The following COG5 variants were observed in gnomAD, a reference collection of about 807,000 sequenced individuals.
COG5 encodes the protein component of oligomeric golgi complex 5, also known as conserved oligomeric Golgi complex subunit 5.
Under a neutral mutation model 110.4 loss-of-function variants are expected in COG5, and 86 were observed. The ratio of observed to expected loss-of-function variants is 0.78; its 90% confidence interval spans 0.65 to 0.93. The LOEUF (loss-of-function observed/expected upper bound fraction) is 0.93. Among genes scored for constraint, COG5 ranks in the 40% least tolerant of loss-of-function variants. The probability of loss-of-function intolerance (pLI) is 0.00; values close to 1 mark genes in which losing one functional copy is unlikely to be tolerated. For missense variants in COG5, 1,077 were observed against 987.0 expected (o/e 1.09, Z -1.22); for synonymous variants, 360 against 334.6 (o/e 1.08, Z -0.83).
At chr7:107,427,512 C>T (rs1584809635) in intron 6 of COG5, among the ~76,000 whole-genome samples, 1 of 151,812 alleles carries the variant, frequency 6.6e-6, no homozygotes, top group East Asian at 1.9e-4. Context: ...AAGTCTTAAC[C>T]CTCAGTACCT....
intron 12 of COG5, among the ~76,000 whole-genome samples, chr7:107,290,560 C>T (rs929893605): frequency 2.0e-5 from 3 of 152,148 alleles, no homozygotes; most frequent in Non-Finnish European, 2.9e-5. Flanking sequence ...TGGGGTCACT[C>T]GCTTTCAGCC....
chr7:107,207,342 T>C (rs991805540), intron 21 of COG5, among the ~76,000 whole-genome samples: 1 of 152,114 alleles, frequency 6.6e-6, no homozygotes, highest in Admixed American at 6.5e-5. Context: ...ACAGAGGAGC[T>C]GAGGGAATGG....
intron 6 of COG5, among the ~76,000 whole-genome samples, chr7:107,482,501 A>G (rs1489925228): frequency 6.6e-6 from 1 of 152,080 alleles, no homozygotes; most frequent in Non-Finnish European, 1.5e-5. Flanking sequence ...TTTAACAATT[A>G]CTACTTTAGA....
chr7:107,441,093 A>C (rs1794677312), intron 6 of COG5, among the ~76,000 whole-genome samples: 2 of 151,604 alleles, frequency 1.3e-5, no homozygotes, highest in South Asian at 4.2e-4. Flanking sequence ...CTCTACTAAA[A>C]ATACAAAAAA....
At chr7:107,522,645 A>G in intron 6 of COG5, among the ~76,000 whole-genome samples, 1 of 152,268 alleles carries the variant, frequency 6.6e-6, no homozygotes, top group Middle Eastern at 3.4e-3. Flanking sequence ...AAAAATAAAA[A>G]AATCTTCTGA....
rs1463038595 is a variant in COG5, at chr7:107,201,468, A to ATACAT, written c.*2043_*2047dup. 2.2e-6 allele frequency: 3 copies of ATACAT among 1,369,012 alleles called. No homozygotes were observed. Among genetic ancestry groups the ATACAT allele is most frequent in the South Asian group, 1.2e-5 (1 of 84,500 alleles). The allele number at this position is 1,369,012 out of a possible 1,614,324, so 84.8% of individuals were successfully genotyped here. On this transcript the variant is annotated 3_prime_UTR_variant, in exon 22 of 22. Coordinates refer to ENST00000297135, the MANE Select transcript of COG5 (RefSeq NM_006348.5). Reference sequence around the variant, plus strand: ...TATGTTCTTAAGTCTATATTTGCATATACATTGACTCTTGATGGAAAGACT... The same window carrying ATACAT: ...TATGTTCTTAAGTCTATATTTGCATATACATTACATTGACTCTTGATGGAAAGACT...
At chr7:107,435,929 G>C (rs916585472) in intron 6 of COG5, among the ~76,000 whole-genome samples, 4 of 151,994 alleles carry the variant, frequency 2.6e-5, no homozygotes, top group Non-Finnish European at 5.9e-5. Flanking sequence ...AAGAAAATGT[G>C]GTATACATAC....
intron 6 of COG5, among the ~76,000 whole-genome samples, chr7:107,469,605 AAACT>A (rs1028320788): frequency 2.6e-4 from 39 of 152,296 alleles, no homozygotes; most frequent in African/African-American, 7.9e-4. Context: ...GAATACAAAC[AAACT>A]ATTTAAAATT....
At chr7:107,230,469 G>T in intron 19 of COG5, 146 bp downstream of exon 19, 1 of 727,724 alleles carries the variant, frequency 1.4e-6, no homozygotes, top group Non-Finnish European at 2.5e-6. Flanking sequence ...TTTCTGATTT[G>T]AATACTTTCT....
chr7:107,335,866 A>G (rs1415984377), intron 10 of COG5, among the ~76,000 whole-genome samples: 1 of 152,216 alleles, frequency 6.6e-6, no homozygotes, highest in Non-Finnish European at 1.5e-5. Flanking sequence ...GACTATAAAA[A>G]GGACAAAGAT....
intron 7 of COG5, among the ~76,000 whole-genome samples, chr7:107,402,643 T>C (rs1791520007): frequency 6.6e-6 from 1 of 152,164 alleles, no homozygotes; most frequent in Non-Finnish European, 1.5e-5. Flanking sequence ...CTCCCTTTCT[T>C]TGTGTGACTT....
chr7:107,228,078 T>C (rs1255895729), intron 19 of COG5, among the ~76,000 whole-genome samples: 2 of 152,076 alleles, frequency 1.3e-5, no homozygotes, highest in African/African-American at 4.8e-5. Flanking sequence ...GGCGGGCAGA[T>C]AGCTTGAGCT....
At chr7:107,527,552 A>AT (rs1332067524) in intron 5 of COG5, among the ~76,000 whole-genome samples, 195 bp from the exon 6 acceptor site, 4 of 152,234 alleles carry the variant, frequency 2.6e-5, no homozygotes, top group Non-Finnish European at 4.4e-5. Flanking sequence ...TGTGCTTAAT[A>AT]TGTGAATCTA....
intron 6 of COG5, among the ~76,000 whole-genome samples, chr7:107,506,536 C>A (rs1799021478): frequency 6.6e-6 from 1 of 152,154 alleles, no homozygotes; most frequent in Non-Finnish European, 1.5e-5. Context: ...ACTGTCTCTG[C>A]TGCACAGAGA....
intron 10 of COG5, among the ~76,000 whole-genome samples, chr7:107,335,342 ATCGC>A: frequency 6.6e-6 from 1 of 152,206 alleles, no homozygotes; most frequent in Non-Finnish European, 1.5e-5. Context: ...GTGAGCTGAC[ATCGC>A]ACCACTGCAC....
chr7:107,509,347 A>C (rs1397788277), intron 6 of COG5, among the ~76,000 whole-genome samples: 1 of 152,154 alleles, frequency 6.6e-6, no homozygotes, highest in East Asian at 1.9e-4. Flanking sequence ...AGTTTAGAGA[A>C]AAAAAGAATA....
intron 6 of COG5, among the ~76,000 whole-genome samples, chr7:107,413,774 G>A (rs1792490228): frequency 1.3e-5 from 2 of 152,144 alleles, no homozygotes; most frequent in African/African-American, 4.8e-5. Flanking sequence ...TAACATTTTT[G>A]AAGATATAGC....
intron 10 of COG5, among the ~76,000 whole-genome samples, chr7:107,351,439 A>C (rs1812125821): frequency 6.6e-6 from 1 of 152,230 alleles, no homozygotes. Flanking sequence ...CGATGGCAAC[A>C]AAAGCCAAAA....
At chr7:107,398,112 T>C (rs966803267) in intron 7 of COG5, among the ~76,000 whole-genome samples, 2 of 152,060 alleles carry the variant, frequency 1.3e-5, no homozygotes, top group East Asian at 1.9e-4. Flanking sequence ...AAAGAAAACA[T>C]GGATAAACTA....
Sources: gnomAD v4.1 joint callset for allele counts (sites outside exome capture counted in the v4.1 genomes callset) on GRCh38, gnomAD v4.1.1 for gene constraint, MANE v1.5 for transcripts, NCBI Gene and HGNC (gene_info 2026-07-23, HGNC 2026-07-21) for gene names.